The following RBFOX1 variants were observed in gnomAD, a reference collection of about 807,000 sequenced individuals.
The protein encoded by RBFOX1 is RNA binding fox-1 homolog 1, also known as RNA binding protein fox-1 homolog 1.
A neutral mutation model predicts 57.7 loss-of-function variants in RBFOX1; 8 were observed. That is an observed-to-expected ratio of 0.14 (90% CI 0.08 to 0.25). RBFOX1 has a LOEUF of 0.25. Ranked by LOEUF, RBFOX1 falls within the 10% of genes least tolerant of loss-of-function variation. The probability of loss-of-function intolerance (pLI) is 1.00; values close to 1 mark genes in which losing one functional copy is unlikely to be tolerated. For missense variants in RBFOX1, 611 were observed against 548.5 expected, an observed-to-expected ratio of 1.11 and a Z score of -1.14; for synonymous variants, 326 against 222.4, an observed-to-expected ratio of 1.47 and a Z score of -4.15.
chr16:6,208,020 A>G (rs1432924956), intron 1 of RBFOX1, among the ~76,000 whole-genome samples: 2 of 151,980 alleles, frequency 1.3e-5, no homozygotes, highest in Admixed American at 1.3e-4. Flanking sequence ...ATGTGTATAT[A>G]TGTGTGTGTA....
chr16:5,960,351 G>A (rs762231331), intron 4 of RBFOX1, among the ~76,000 whole-genome samples: 8 of 152,064 alleles, frequency 5.3e-5, no homozygotes, highest in South Asian at 2.1e-4. Context: ...ACAGTCACAC[G>A]GATACGGAGT....
chr16:6,643,744 T>C (rs1265313488), intron 2 of RBFOX1, among the ~76,000 whole-genome samples: 1 of 152,068 alleles, frequency 6.6e-6, no homozygotes, highest in South Asian at 2.1e-4. Context: ...TAAAACTCAG[T>C]TTTTTCACCT....
At chr16:6,328,798 C>T (rs1003897956) in intron 2 of RBFOX1, among the ~76,000 whole-genome samples, 3 of 151,972 alleles carry the variant, frequency 2.0e-5, no homozygotes, top group East Asian at 1.9e-4. Context: ...GAATGGGACC[C>T]AAGGAGTATA....
intron 3 of RBFOX1, among the ~76,000 whole-genome samples, chr16:7,033,441 T>C (rs1256527889): frequency 6.6e-6 from 1 of 151,866 alleles, no homozygotes; most frequent in African/African-American, 2.4e-5. Flanking sequence ...ATTCGCTTGA[T>C]CCCGGGAGGC....
intron 3 of RBFOX1, among the ~76,000 whole-genome samples, chr16:5,713,884 G>A (rs1596909866): frequency 6.6e-6 from 1 of 152,286 alleles, no homozygotes; most frequent in Non-Finnish European, 1.5e-5. Context: ...GAAGTGAGGA[G>A]GAAGCCCAGA....
At chr16:6,184,091 A>G (rs2097089128) in intron 1 of RBFOX1, among the ~76,000 whole-genome samples, 1 of 152,154 alleles carries the variant, frequency 6.6e-6, no homozygotes, top group Non-Finnish European at 1.5e-5. Context: ...AAGGAAAGGG[A>G]TTTCCCCTTA....
chr16:6,921,671 C>T (rs1002956044), intron 3 of RBFOX1, among the ~76,000 whole-genome samples: 10 of 147,860 alleles, frequency 6.8e-5, no homozygotes, highest in Middle Eastern at 3.4e-3. Flanking sequence ...GGGTTGCTTT[C>T]AATCAATAGA....
At chr16:5,598,460 G>A (rs1238697520) in intron 2 of RBFOX1, among the ~76,000 whole-genome samples, 1 of 152,004 alleles carries the variant, frequency 6.6e-6, no homozygotes, top group Admixed American at 6.6e-5. Flanking sequence ...AAACGGATGA[G>A]ATTAACTGTA....
intron 4 of RBFOX1, among the ~76,000 whole-genome samples, chr16:7,143,132 G>T (rs777012978): frequency 6.6e-6 from 1 of 151,926 alleles, no homozygotes; most frequent in Admixed American, 6.6e-5. Flanking sequence ...TTTTATGTTG[G>T]GGAAAGCAAA....
At chr16:7,517,365 C>G (rs1239820781) in intron 4 of RBFOX1, among the ~76,000 whole-genome samples, 1 of 151,742 alleles carries the variant, frequency 6.6e-6, no homozygotes, top group Non-Finnish European at 1.5e-5. Flanking sequence ...ACTCTGTGCT[C>G]ATAAAAAAAT....
intron 3 of RBFOX1, among the ~76,000 whole-genome samples, chr16:5,764,968 C>G (rs951729928): frequency 6.6e-6 from 1 of 152,074 alleles, no homozygotes; most frequent in Non-Finnish European, 1.5e-5. Context: ...GTAGTTTGCC[C>G]AAGTCTCCTT....
chr16:7,577,209 C>T (rs1043987372), intron 5 of RBFOX1, among the ~76,000 whole-genome samples: 3 of 152,200 alleles, frequency 2.0e-5, no homozygotes, highest in African/African-American at 7.2e-5. Context: ...GTGTTACAAG[C>T]TGGTCATACC....
At chr16:5,787,576 A>G (rs181385092) in intron 3 of RBFOX1, among the ~76,000 whole-genome samples, 6 of 152,360 alleles carry the variant, frequency 3.9e-5, no homozygotes, top group Admixed American at 3.3e-4. Flanking sequence ...GACAAAACAC[A>G]TACAGTGATA....
At chr16:5,913,161 T>C (rs1160286149) in intron 4 of RBFOX1, among the ~76,000 whole-genome samples, 2 of 152,254 alleles carry the variant, frequency 1.3e-5, no homozygotes, top group African/African-American at 2.4e-5. Context: ...ATGATAAGGA[T>C]AGCAGGTTGA....
intron 4 of RBFOX1, among the ~76,000 whole-genome samples, chr16:5,897,830 T>TTC (rs1425493757): frequency 7.1e-6 from 1 of 141,036 alleles, no homozygotes; most frequent in African/African-American, 2.7e-5. Context: ...TTCATTTAAC[T>TTC]TCTCTTTTTT....
At chr16:7,035,881 C>G (rs928634439) in intron 3 of RBFOX1, among the ~76,000 whole-genome samples, 1 of 148,710 alleles carries the variant, frequency 6.7e-6, no homozygotes, top group African/African-American at 2.4e-5. Flanking sequence ...AATGTGAACA[C>G]AGACACACAC....
At chr16:7,478,482 C>A (rs1373413334) in intron 4 of RBFOX1, among the ~76,000 whole-genome samples, 1 of 152,154 alleles carries the variant, frequency 6.6e-6, no homozygotes, top group African/African-American at 2.4e-5. Context: ...ACAGTAGGGG[C>A]TGCAGTTTGC....
At chr16:6,715,970 C>A (rs1254287546) in intron 3 of RBFOX1, among the ~76,000 whole-genome samples, 1 of 151,784 alleles carries the variant, frequency 6.6e-6, no homozygotes, top group Non-Finnish European at 1.5e-5. Context: ...ACGCAATTGA[C>A]CAGGTGTGCA....
chr16:7,116,442 C>G (rs1323408272), intron 4 of RBFOX1, among the ~76,000 whole-genome samples: 3 of 152,076 alleles, frequency 2.0e-5, no homozygotes, highest in African/African-American at 7.2e-5. Flanking sequence ...ACATCTCTGC[C>G]CATCCCAAAC....
Sources: gnomAD v4.1 joint callset for allele counts (sites outside exome capture counted in the v4.1 genomes callset) on GRCh38, gnomAD v4.1.1 for gene constraint, MANE v1.5 for transcripts, NCBI Gene and HGNC (gene_info 2026-07-23, HGNC 2026-07-21) for gene names.